The following KCND3 variants were observed in gnomAD, a reference collection of about 807,000 sequenced individuals.
KCND3 encodes the protein A-type voltage-gated potassium channel KCND3.
A neutral mutation model predicts 51.1 loss-of-function variants in KCND3; 9 were observed. The ratio of observed to expected loss-of-function variants is 0.18; its 90% confidence interval spans 0.11 to 0.31. The LOEUF is 0.31. Ranked by LOEUF, KCND3 falls within the 10% of genes least tolerant of loss-of-function variation. The pLI is 1.00. For missense variants in KCND3, 526 were observed against 903.8 expected (o/e 0.58, Z 5.36); for synonymous variants, 349 against 368.0 (o/e 0.95, Z 0.59).
At position 111,982,390 on chromosome 1, in the gene KCND3, C is replaced by T; in HGVS notation, c.337G>A (p.Ala113Thr). 1 of 1,614,200 alleles carries T rather than the reference C, an allele frequency of 6.2e-7. No homozygotes were observed. Among genetic ancestry groups the T allele is most frequent in the Non-Finnish European group, 8.5e-7 (1 of 1,180,054 alleles). The part of the protein sequence containing the change: ...LHYPRYECIS[A>T]YDDELAFYGI... ...TAGAAGGCCAGCTCGTCGTCGTAGG[C>T]AGAGATGCACTCGTAGCGCGGGTAG... The change falls in exon 2 of 8, where the codon GCC becomes ACC. Residue 113 changes from alanine (A) to threonine (T), a missense_variant. Ala to Thr is a moderately conservative substitution (Grantham distance 58, BLOSUM62 0). Coordinates refer to ENST00000302127, the MANE Select transcript of KCND3 (RefSeq NM_001378969.1). This position sits in a 1 kb window ranked among gnomAD's most constrained non-coding sequence, Gnocchi z 8.5.
chr1:111,798,945 A>C (rs1220141427), intron 2 of KCND3, among the ~76,000 whole-genome samples: 1 of 152,136 alleles, frequency 6.6e-6, no homozygotes, highest in Non-Finnish European at 1.5e-5. Flanking sequence ...GGGAGGAGTC[A>C]GCAGTAAGCA....
chr1:111,869,569 T>A (rs1248685219), intron 2 of KCND3, among the ~76,000 whole-genome samples: 1 of 152,182 alleles, frequency 6.6e-6, no homozygotes, highest in Non-Finnish European at 1.5e-5. Flanking sequence ...CATTGCCCAA[T>A]GTGCTCAGTT....
chr1:111,972,971 C>T (rs730022), intron 2 of KCND3, among the ~76,000 whole-genome samples: 29,276 of 152,166 alleles, frequency 0.19, 3,116 homozygotes, highest in Middle Eastern at 0.29. Context: ...AATGATACTC[C>T]TCAGCAGCTA....
chr1:111,836,661 T>C (rs944362027), intron 2 of KCND3, among the ~76,000 whole-genome samples: 2 of 152,160 alleles, frequency 1.3e-5, no homozygotes, highest in African/African-American at 2.4e-5. Flanking sequence ...CATTTCCTCA[T>C]AGCTTCCAGA....
At chr1:111,967,237 C>T (rs1674056629) in intron 2 of KCND3, among the ~76,000 whole-genome samples, 2 of 152,060 alleles carry the variant, frequency 1.3e-5, no homozygotes, top group African/African-American at 4.8e-5. Flanking sequence ...GACCTGTTGC[C>T]CTCTGCTGGG....
At chr1:111,867,986 T>C (rs1395506395) in intron 2 of KCND3, among the ~76,000 whole-genome samples, 1 of 152,178 alleles carries the variant, frequency 6.6e-6, no homozygotes, top group Non-Finnish European at 1.5e-5. Context: ...TCCTAACATC[T>C]ACCTCATTAG....
At chr1:111,899,897 G>A (rs556125980) in intron 2 of KCND3, among the ~76,000 whole-genome samples, 2 of 152,218 alleles carry the variant, frequency 1.3e-5, no homozygotes, top group South Asian at 2.1e-4. Flanking sequence ...ATGAGTCCTC[G>A]GGGGAACCAC....
intron 2 of KCND3, among the ~76,000 whole-genome samples, chr1:111,960,323 GC>G (rs1673578150): frequency 6.6e-6 from 1 of 152,170 alleles, no homozygotes; most frequent in Non-Finnish European, 1.5e-5. Context: ...TGGAATCTGG[GC>G]CCCCAGTAAA....
intron 2 of KCND3, among the ~76,000 whole-genome samples, chr1:111,938,617 A>G (rs935974475): frequency 1.3e-5 from 2 of 152,208 alleles, no homozygotes; most frequent in African/African-American, 4.8e-5. Flanking sequence ...ATCAGTGGAC[A>G]TTGAATGGAA....
chr1:111,919,212 G>A (rs532283085), intron 2 of KCND3, among the ~76,000 whole-genome samples: 1 of 150,116 alleles, frequency 6.7e-6, no homozygotes, highest in East Asian at 1.9e-4. Flanking sequence ...CTAGATTGGG[G>A]AGACAGACAG....
rs1025017538 is a variant in KCND3, at chr1:111,837,802, C to T, written c.1107-50696G>A. Among the ~76,000 whole-genome samples, 8 of 152,290 alleles carry T rather than the reference C, an allele frequency of 5.3e-5. 1 individual carries two copies. On this transcript the variant is annotated intron_variant, in intron 2 of 7. Transcript: ENST00000302127. ...TCGAAAAACACTAACATACTACCCT[C>T]GCCCCTCTAGATTGTCAGTTTATCA...
intron 2 of KCND3, among the ~76,000 whole-genome samples, chr1:111,874,930 C>T (rs1384153819): frequency 6.6e-6 from 1 of 152,232 alleles, no homozygotes; most frequent in Non-Finnish European, 1.5e-5. Context: ...CACCTACCTC[C>T]AGGGCCACTG....
At chr1:111,890,017 C>G (rs937581390) in intron 2 of KCND3, among the ~76,000 whole-genome samples, 1 of 152,048 alleles carries the variant, frequency 6.6e-6, no homozygotes, top group Non-Finnish European at 1.5e-5. Context: ...GGACTAGGAG[C>G]AAGAGTCGCA....
chr1:111,797,326 A>AG (rs1665098367), intron 2 of KCND3, among the ~76,000 whole-genome samples: 1 of 152,246 alleles, frequency 6.6e-6, no homozygotes, highest in Non-Finnish European at 1.5e-5. Context: ...AGACAAAGTC[A>AG]GACATCGGGT....
At chr1:111,960,397 G>A (rs532526532) in intron 2 of KCND3, among the ~76,000 whole-genome samples, 1 of 152,204 alleles carries the variant, frequency 6.6e-6, no homozygotes, top group Non-Finnish European at 1.5e-5. Context: ...TGATAAAGCC[G>A]TATTTAGCAC....
chr1:111,985,507 A>T (rs913001590), intron 1 of KCND3, among the ~76,000 whole-genome samples: 10 of 152,202 alleles, frequency 6.6e-5, no homozygotes, highest in Non-Finnish European at 1.5e-4. Context: ...ACAACCCAGG[A>T]GGCAGCATAG....
chr1:111,865,018 G>A (rs1023974606), intron 2 of KCND3, among the ~76,000 whole-genome samples: 1 of 152,202 alleles, frequency 6.6e-6, no homozygotes, highest in African/African-American at 2.4e-5. Flanking sequence ...GCATGTTCGA[G>A]GAACAGCCAG....
chr1:111,802,387 C>G (rs471238), intron 2 of KCND3, among the ~76,000 whole-genome samples: 33,889 of 152,210 alleles, frequency 0.22, 3,905 homozygotes, highest in Admixed American at 0.26. Flanking sequence ...CTGGCAGGCC[C>G]TAAGCTGGGT....
chr1:111,937,239 C>T (rs1023912252), intron 2 of KCND3, among the ~76,000 whole-genome samples: 1 of 152,076 alleles, frequency 6.6e-6, no homozygotes, highest in African/African-American at 2.4e-5. Flanking sequence ...CCATCATGGA[C>T]TTGGTGAGCT....
Sources: gnomAD v4.1 joint callset for allele counts (sites outside exome capture counted in the v4.1 genomes callset) on GRCh38, gnomAD v4.1.1 for gene constraint, Gnocchi (gnomAD v3.1) non-coding constraint, MANE v1.5 for transcripts, NCBI Gene and HGNC (gene_info 2026-07-23, HGNC 2026-07-21) for gene names.